The following CPEB1 variants were observed in gnomAD, a reference collection of about 807,000 sequenced individuals.
The protein encoded by CPEB1 is cytoplasmic polyadenylation element binding protein 1.
Under a neutral mutation model 65.8 loss-of-function variants are expected in CPEB1, and 7 were observed. That is an observed-to-expected ratio of 0.11 (90% confidence interval 0.06 to 0.20). The LOEUF is 0.20. Among genes scored for constraint, CPEB1 ranks in the 10% least tolerant of loss-of-function variants. The pLI, the probability that CPEB1 is intolerant of heterozygous loss-of-function variation, is 1.00. For synonymous variants in CPEB1, 262 were observed against 260.0 expected, an observed-to-expected ratio of 1.01 and a Z score of -0.08; for missense variants, 551 against 712.2, an observed-to-expected ratio of 0.77 and a Z score of 2.58.
chr15:82,589,857 C>T (rs1265344545), intron 3 of CPEB1, among the ~76,000 whole-genome samples: 3 of 151,978 alleles, frequency 2.0e-5, no homozygotes, highest in South Asian at 2.1e-4. Flanking sequence ...TCAGTATTCC[C>T]GAAACAATAC....
chr15:82,620,761 C>A (rs759431511), intron 3 of CPEB1, among the ~76,000 whole-genome samples: 12 of 152,152 alleles, frequency 7.9e-5, no homozygotes, highest in Non-Finnish European at 1.6e-4. Context: ...TATGATCATA[C>A]AACTGTGCTG....
At chr15:82,610,602 G>A (rs1448787120) in intron 3 of CPEB1, among the ~76,000 whole-genome samples, 1 of 151,808 alleles carries the variant, frequency 6.6e-6, no homozygotes. Flanking sequence ...ACACAGACAA[G>A]TATTTGATGA....
intron 3 of CPEB1, among the ~76,000 whole-genome samples, chr15:82,584,450 G>C (rs2041587033): frequency 6.6e-6 from 1 of 151,818 alleles, no homozygotes; most frequent in Admixed American, 6.6e-5. Flanking sequence ...GGCAAAGGTA[G>C]GTGGATCACT....
chr15:82,627,397 T>C (rs2045863964), intron 2 of CPEB1, 30 bp from the exon 3 acceptor site: 1 of 1,550,330 alleles, frequency 6.5e-7, no homozygotes, highest in Non-Finnish European at 8.8e-7. Context: ...GATATTTAGG[T>C]TTTCTACACT....
intron 4 of CPEB1, among the ~76,000 whole-genome samples, chr15:82,559,377 A>C (rs571571008): frequency 6.6e-6 from 1 of 152,370 alleles, no homozygotes; most frequent in Non-Finnish European, 1.5e-5. Context: ...GGGAAACTGT[A>C]GATATATCTA....
In CPEB1 at chr15:82,563,357, C is replaced by CTTTT. The variant is rs71453394; in HGVS notation, c.461-5375_461-5372dup. Among the ~76,000 whole-genome samples, 195 of 92,014 alleles carry CTTTT rather than the reference C, an allele frequency of 2.1e-3. 1 individual carries two copies. Among genetic ancestry groups the CTTTT allele is most frequent in the East Asian group, 3.3e-3 (9 of 2,706 alleles). The allele number at this position is 92,014 out of a possible 152,430, so 60.4% of individuals were successfully genotyped here. A position where few individuals can be genotyped will look rare whatever the true frequency, so the allele number is the denominator to read the frequency against. On this transcript the variant is annotated intron_variant, in intron 4 of 12. Coordinates refer to ENST00000684509, the MANE Select transcript of CPEB1 (RefSeq NM_001365242.1). ...GAATGTATGTAAGATCATCTCTATT[C>CTTTT]TTTTTTTTTTTTTTTTTTTTTTTTG...
At chr15:82,566,756 C>T (rs1322147297) in intron 4 of CPEB1, among the ~76,000 whole-genome samples, 1 of 152,172 alleles carries the variant, frequency 6.6e-6, no homozygotes, top group Non-Finnish European at 1.5e-5. Context: ...GGCCACACTG[C>T]TTCCCAGGTT....
At chr15:82,573,235 T>C (rs1318380728) in intron 3 of CPEB1, 3 of 179,226 alleles carry the variant, frequency 1.7e-5, no homozygotes, top group Non-Finnish European at 2.5e-5. Flanking sequence ...CCTTTGGAGA[T>C]TTTTTTTTTT....
At chr15:82,616,286 T>C (rs1214167794) in intron 3 of CPEB1, among the ~76,000 whole-genome samples, 1 of 152,092 alleles carries the variant, frequency 6.6e-6, no homozygotes, top group Non-Finnish European at 1.5e-5. Context: ...TCAGTGTATG[T>C]TTTATTTACA....
chr15:82,556,238 C>G (rs1021950040), intron 5 of CPEB1, 116 bp from the exon 6 acceptor site: 6 of 1,189,676 alleles, frequency 5.0e-6, no homozygotes, highest in Non-Finnish European at 6.8e-6. Context: ...GATATATATT[C>G]TTTTAGACTT....
At chr15:82,559,199 A>T (rs1318314428) in intron 4 of CPEB1, among the ~76,000 whole-genome samples, 1 of 152,146 alleles carries the variant, frequency 6.6e-6, no homozygotes, top group Non-Finnish European at 1.5e-5. Flanking sequence ...CTGAAATCAA[A>T]ATCAATGCAT....
intron 7 of CPEB1, 84 bp from the exon 8 acceptor site, chr15:82,553,640 C>G (rs780927092): frequency 4.8e-6 from 5 of 1,036,274 alleles, no homozygotes; most frequent in Non-Finnish European, 7.4e-6. Context: ...CCAGCATTCT[C>G]CTCCCTGGCT....
intron 9 of CPEB1, 59 bp from the exon 10 acceptor site, chr15:82,549,717 T>C: frequency 2.0e-6 from 3 of 1,531,784 alleles, no homozygotes; most frequent in Non-Finnish European, 2.7e-6. Flanking sequence ...GAGAGGTGCT[T>C]GCACGGCAAG....
At chr15:82,569,430 A>G (rs2039673948) in intron 4 of CPEB1, among the ~76,000 whole-genome samples, 1 of 152,194 alleles carries the variant, frequency 6.6e-6, no homozygotes, top group Non-Finnish European at 1.5e-5. Flanking sequence ...TCTGGTCCTT[A>G]TGAATTCTGA....
At chr15:82,571,003 C>T (rs1180392275) in intron 4 of CPEB1, among the ~76,000 whole-genome samples, 1 of 152,150 alleles carries the variant, frequency 6.6e-6, no homozygotes, top group Non-Finnish European at 1.5e-5. Flanking sequence ...TTTGCTTCAT[C>T]ATCTCCAAGA....
At chr15:82,624,399 G>C (rs556201333) in intron 3 of CPEB1, among the ~76,000 whole-genome samples, 1 of 152,252 alleles carries the variant, frequency 6.6e-6, no homozygotes, top group African/African-American at 2.4e-5. Context: ...AGGTTGAGCA[G>C]GTACCATTCT....
chr15:82,607,687 C>T (rs980712254), intron 3 of CPEB1, among the ~76,000 whole-genome samples: 5 of 151,956 alleles, frequency 3.3e-5, no homozygotes, highest in South Asian at 4.2e-4. Context: ...AATAACTGTG[C>T]CTATTACCAG....
chr15:82,622,442 C>T (rs765105539), intron 3 of CPEB1, among the ~76,000 whole-genome samples: 1 of 152,180 alleles, frequency 6.6e-6, no homozygotes, highest in Admixed American at 6.5e-5. Flanking sequence ...CACTCTATCA[C>T]CCAGGCTGGA....
At chr15:82,598,375 T>C (rs2151180186) in intron 3 of CPEB1, among the ~76,000 whole-genome samples, 1 of 152,094 alleles carries the variant, frequency 6.6e-6, no homozygotes, top group South Asian at 2.1e-4. Context: ...ACACCTGTAA[T>C]CCCAGCTACT....
Sources: gnomAD v4.1 joint callset for allele counts (sites outside exome capture counted in the v4.1 genomes callset) on GRCh38, gnomAD v4.1.1 for gene constraint, MANE v1.5 for transcripts, NCBI Gene and HGNC (gene_info 2026-07-23, HGNC 2026-07-21) for gene names.